The following COL23A1 variants were observed in gnomAD, a reference collection of about 807,000 sequenced individuals.
The protein encoded by COL23A1 is collagen alpha-1(XXIII) chain.
COL23A1 carries 97 observed loss-of-function variants against 99.3 expected under a neutral mutation model. That is an observed-to-expected ratio of 0.98 (90% CI 0.83 to 1.16). The LOEUF (loss-of-function observed/expected upper bound fraction) is 1.16. Among genes scored for constraint, COL23A1 ranks in the 50% most tolerant of loss-of-function variants. The pLI, the probability that COL23A1 is intolerant of heterozygous loss-of-function variation, is 0.00. For missense variants in COL23A1, 762 were observed against 757.4 expected, an observed-to-expected ratio of 1.01 and a Z score of -0.07; for synonymous variants, 320 against 308.2, an observed-to-expected ratio of 1.04 and a Z score of -0.40.
At chr5:178,296,243 C>A (rs1182265476) in intron 3 of COL23A1, among the ~76,000 whole-genome samples, 2 of 152,222 alleles carry the variant, frequency 1.3e-5, no homozygotes, top group African/African-American at 2.4e-5. Context: ...GCGTGAAGTG[C>A]AGCCCAGATG....
chr5:178,417,083 G>A (rs749613754), intron 2 of COL23A1, among the ~76,000 whole-genome samples: 9 of 152,188 alleles, frequency 5.9e-5, no homozygotes, highest in Non-Finnish European at 1.0e-4. Context: ...AATGAATCAC[G>A]ATCTGATTCA....
At chr5:178,530,101 T>C (rs1176908622) in intron 2 of COL23A1, among the ~76,000 whole-genome samples, 3 of 152,140 alleles carry the variant, frequency 2.0e-5, no homozygotes, top group Admixed American at 6.6e-5. Flanking sequence ...AACACTGAAT[T>C]TGAAACCTAC....
At chr5:178,514,953 T>A (rs1198920853) in intron 2 of COL23A1, among the ~76,000 whole-genome samples, 1 of 152,260 alleles carries the variant, frequency 6.6e-6, no homozygotes, top group Non-Finnish European at 1.5e-5. Flanking sequence ...TGTTTTCTGC[T>A]GAGGTTCCAA....
intron 2 of COL23A1, among the ~76,000 whole-genome samples, chr5:178,554,198 A>C (rs1485470016): frequency 4.0e-5 from 6 of 149,858 alleles, no homozygotes; most frequent in Admixed American, 2.7e-4. Flanking sequence ...TTTTTCTTTG[A>C]GATGGAGTCT....
At chr5:178,506,646 T>A (rs1758889180) in intron 2 of COL23A1, among the ~76,000 whole-genome samples, 1 of 152,242 alleles carries the variant, frequency 6.6e-6, no homozygotes, top group South Asian at 2.1e-4. Context: ...ACACTGCTGT[T>A]TCTAATTCTC....
At chr5:178,399,003 G>A (rs1438335493) in intron 2 of COL23A1, among the ~76,000 whole-genome samples, 4 of 152,270 alleles carry the variant, frequency 2.6e-5, no homozygotes, top group Admixed American at 6.5e-5. Context: ...CAGCTCCAGC[G>A]TACAGCAGTG....
chr5:178,518,287 T>C (rs1478843336), intron 2 of COL23A1, among the ~76,000 whole-genome samples: 1 of 148,342 alleles, frequency 6.7e-6, no homozygotes, highest in Non-Finnish European at 1.5e-5. Context: ...AAGTCTCCCA[T>C]GTCTACTTCT....
intron 5 of COL23A1, 88 bp from the exon 6 acceptor site, chr5:178,270,451 A>T (rs958405858): frequency 2.0e-6 from 3 of 1,508,358 alleles, no homozygotes; most frequent in Non-Finnish European, 2.7e-6. Context: ...ATTCAGTGAC[A>T]AGAAAACAAA....
Position 178,510,267 on chromosome 5 carries a change from C to T in COL23A1, c.361+50415G>A, listed in dbSNP as rs1327947924. ...ATTAGAACACACATTGGCGCCTGGG[C>T]ATGGTGGCTCACGCCTGTAATCCCT... On this transcript the variant is annotated intron_variant, in intron 2 of 28. Transcript: ENST00000390654. Among the ~76,000 whole-genome samples, 4 of 152,236 alleles carry T rather than the reference C, an allele frequency of 2.6e-5. No individual in the cohort carries two copies. The East Asian group carries it at 5.8e-4, about 22-fold the overall frequency.
chr5:178,573,010 T>C (rs942081220), intron 1 of COL23A1, among the ~76,000 whole-genome samples: 1 of 151,716 alleles, frequency 6.6e-6, no homozygotes, highest in Non-Finnish European at 1.5e-5. Flanking sequence ...CAGAAATCAA[T>C]AGTAACAAAA....
intron 2 of COL23A1, among the ~76,000 whole-genome samples, chr5:178,414,354 G>A (rs1765193693): frequency 6.6e-6 from 1 of 152,094 alleles, no homozygotes; most frequent in African/African-American, 2.4e-5. Context: ...CCACCACCTG[G>A]CAGAGGGTCT....
chr5:178,379,682 G>A (rs1444420631), intron 2 of COL23A1, among the ~76,000 whole-genome samples: 1 of 152,106 alleles, frequency 6.6e-6, no homozygotes, highest in Non-Finnish European at 1.5e-5. Flanking sequence ...GGGAGTTCGA[G>A]ACCAGCCTGA....
At chr5:178,548,846 A>G (rs1378812092) in intron 2 of COL23A1, among the ~76,000 whole-genome samples, 2 of 152,192 alleles carry the variant, frequency 1.3e-5, no homozygotes, top group Admixed American at 1.3e-4. Context: ...TTTTAATAGC[A>G]AAAACAACAA....
chr5:178,563,184 C>T (rs1364974151), intron 1 of COL23A1, among the ~76,000 whole-genome samples: 2 of 152,278 alleles, frequency 1.3e-5, no homozygotes, highest in East Asian at 3.9e-4. Context: ...CGGAACCTGG[C>T]TAGGCCTCTG....
At chr5:178,284,582 A>T (rs1037121140) in intron 5 of COL23A1, among the ~76,000 whole-genome samples, 3 of 152,220 alleles carry the variant, frequency 2.0e-5, no homozygotes, top group African/African-American at 7.2e-5. Context: ...TTCTAAGGAG[A>T]TAATCATGGA....
intron 2 of COL23A1, among the ~76,000 whole-genome samples, chr5:178,541,485 G>A (rs899973079): frequency 6.6e-6 from 1 of 152,158 alleles, no homozygotes; most frequent in African/African-American, 2.4e-5. Context: ...TGAGGCAGGA[G>A]AATCGCTGGA....
intron 2 of COL23A1, among the ~76,000 whole-genome samples, chr5:178,412,868 C>T (rs562666961): frequency 2.6e-5 from 4 of 152,188 alleles, no homozygotes; most frequent in East Asian, 3.9e-4. Context: ...CTCAGAAATG[C>T]TAAGTAATAT....
intron 2 of COL23A1, among the ~76,000 whole-genome samples, chr5:178,552,384 A>T (rs1263991269): frequency 6.6e-6 from 1 of 152,156 alleles, no homozygotes. Context: ...GTGCCCCCCA[A>T]AAAATCAGAC....
chr5:178,552,875 G>A (rs917740358), intron 2 of COL23A1, among the ~76,000 whole-genome samples: 4 of 151,868 alleles, frequency 2.6e-5, no homozygotes, highest in African/African-American at 9.7e-5. Context: ...CACCACACCT[G>A]GCTAATTTTT....
Sources: allele counts gnomAD v4.1 joint callset (sites outside exome capture counted in the v4.1 genomes callset), GRCh38; gene constraint gnomAD v4.1.1; transcripts MANE v1.5; gene names NCBI Gene and HGNC (gene_info 2026-07-23, HGNC 2026-07-21).